Variants in ATRX observed in about 807,000 individuals in gnomAD.
ATRX encodes the protein chromatin remodeler ATRX.
A neutral mutation model predicts 172.6 loss-of-function variants in ATRX; 12 were observed. The ratio of observed to expected loss-of-function variants is 0.07; its 90% CI spans 0.04 to 0.11. The LOEUF (loss-of-function observed/expected upper bound fraction) is 0.11, where lower values mean the gene tolerates loss of function less well. ATRX is among the 10% of genes least tolerant of loss of function. The pLI, the probability that ATRX is intolerant of heterozygous loss-of-function variation, is 1.00. For synonymous variants in ATRX, 674 were observed against 594.7 expected, an observed-to-expected ratio of 1.13 and a Z score of -1.94; for missense variants, 1,368 against 1,767.4, an observed-to-expected ratio of 0.77 and a Z score of 4.05.
rs2068262831 is a variant in ATRX, at chrX:77,634,651, T to G, written c.4752A>C (p.Lys1584Asn). 1 of 1,209,353 alleles carries G rather than the reference T, an allele frequency of 8.3e-7. No individual in the cohort carries two copies. The highest frequency in any genetic ancestry group is 1.1e-6 in the Non-Finnish European group (1 of 894,979). The change falls in exon 17 of 35, where the codon AAA becomes AAC. Residue 1584 changes from lysine (K) to asparagine (N), a missense_variant. Lys to Asn is a moderately conservative substitution (Grantham distance 94, BLOSUM62 0). This residue lies in a region of ATRX where 27 missense variants were observed against 110.8 expected (regional missense o/e 0.24). Coordinates refer to ENST00000373344, the MANE Select transcript of ATRX (RefSeq NM_000489.6). ...CCCESVKKTKKSPGSGCILAH... is the reference protein window; with the variant it reads ...CCCESVKKTKNSPGSGCILAH... The stretch of plus-strand genomic sequence containing the variant: ...CAAGAATGCATCCTGAACCTGGAGA[T>G]TTCTTTGTTTTTTTCACAGACTCAC...
intron 2 of ATRX, among the ~76,000 whole-genome samples, chrX:77,716,686 T>G (rs952781082): frequency 1.8e-5 from 2 of 110,910 alleles, no homozygotes; most frequent in Admixed American, 1.9e-4. Flanking sequence ...GAAGTTGCAG[T>G]GAGCCAAGAT....
chrX:77,534,740 C>T (rs1198968249), intron 30 of ATRX, among the ~76,000 whole-genome samples: 2 of 111,374 alleles, frequency 1.8e-5, no homozygotes, highest in Admixed American at 9.6e-5. Context: ...ACGACTAGTT[C>T]AATTAATAAA....
At chrX:77,681,276 T>G (rs2071173403) in intron 9 of ATRX, among the ~76,000 whole-genome samples, 2 of 111,751 alleles carry the variant, frequency 1.8e-5, no homozygotes, top group African/African-American at 6.5e-5. Flanking sequence ...GATAAAGAAA[T>G]TTTGTCATTT....
intron 1 of ATRX, among the ~76,000 whole-genome samples, chrX:77,734,218 T>TACAA: frequency 1.0e-5 from 1 of 96,499 alleles, no homozygotes; most frequent in East Asian, 3.2e-4. Context: ...AATACATACA[T>TACAA]ACATACATAC....
intron 27 of ATRX, among the ~76,000 whole-genome samples, chrX:77,585,132 A>G (rs1342330020): frequency 1.8e-5 from 2 of 111,477 alleles, no homozygotes; most frequent in African/African-American, 3.3e-5. Context: ...CTTGGCTTTT[A>G]TCCAAAGTCA....
intron 2 of ATRX, among the ~76,000 whole-genome samples, chrX:77,702,738 T>C (rs1248257598): frequency 3.6e-5 from 4 of 111,612 alleles, no homozygotes; most frequent in Non-Finnish European, 5.6e-5. Context: ...ACATTTTTTT[T>C]TTACTAGGGA....
At chrX:77,772,717 G>A (rs1206642702) in intron 1 of ATRX, among the ~76,000 whole-genome samples, 1 of 108,850 alleles carries the variant, frequency 9.2e-6, no homozygotes, top group Non-Finnish European at 1.9e-5. Flanking sequence ...TCTTGACCTC[G>A]TGATCCATCC....
At chrX:77,566,338 GTAGTGACACA>G (rs1569524134) in intron 28 of ATRX, among the ~76,000 whole-genome samples, 1 of 111,990 alleles carries the variant, frequency 8.9e-6, no homozygotes, top group African/African-American at 3.2e-5. Flanking sequence ...AGACGAGAAG[GTAGTGACACA>G]TATTTTTCAA....
Position 77,698,563 on chromosome X carries a change from A to G in ATRX, c.189+11T>C, listed in dbSNP as rs905685078. 1.7e-6 allele frequency: 2 copies of G among 1,196,803 alleles called. No homozygotes were observed. Among genetic ancestry groups the G allele is most frequent in the African/African-American group, 1.8e-5 (1 of 57,007 alleles). ...CGTAACTAACAAATATCTCTAAATAATTATCCTTACCTCTTCCTTGCTGTT... is the reference window on the plus strand; with the variant it reads ...CGTAACTAACAAATATCTCTAAATAGTTATCCTTACCTCTTCCTTGCTGTT... On this transcript the variant is annotated intron_variant, in intron 3 of 34. Transcript: ENST00000373344.
intron 25 of ATRX, chrX:77,594,979 T>C (rs1402241249): frequency 8.9e-6 from 1 of 111,959 alleles, no homozygotes; most frequent in African/African-American, 3.2e-5. Flanking sequence ...CATAGACATC[T>C]AGATTGTTTC....
At chrX:77,606,618 C>T (rs1033729139) in intron 22 of ATRX, among the ~76,000 whole-genome samples, 3 of 110,748 alleles carry the variant, frequency 2.7e-5, no homozygotes, top group East Asian at 5.7e-4. Context: ...AGGGATGCAA[C>T]GATGGCTCAG....
At position 77,778,646 on chromosome X, in the gene ATRX, G is replaced by A. The variant is rs187007248; in HGVS notation, c.20+7336C>T. On this transcript the variant is annotated intron_variant, in intron 1 of 34. Coordinates refer to ENST00000373344, the MANE Select transcript of ATRX (RefSeq NM_000489.6). Reference sequence around the variant, plus strand: ...TGAGGCAGGAGAATCGCTTGAACCCGGGAAGCGGAGGTTGCAGTGAGCCAA... The same window carrying A: ...TGAGGCAGGAGAATCGCTTGAACCCAGGAAGCGGAGGTTGCAGTGAGCCAA... Among the ~76,000 whole-genome samples the A allele has an allele frequency of 4.9e-4, 52 of 107,099 alleles. No homozygotes were observed. In the Middle Eastern group the frequency reaches 0.015, roughly 32 times the overall value. The allele number at this position is 107,099 out of a possible 115,157, so 93.0% of individuals were successfully genotyped here.
chrX:77,771,076 T>G (rs1229397229), intron 1 of ATRX, among the ~76,000 whole-genome samples: 1 of 111,773 alleles, frequency 8.9e-6, no homozygotes, highest in African/African-American at 3.3e-5. Context: ...CATTTTAGCA[T>G]AGCATAAAAA....
At position 77,781,245 on chromosome X, in the gene ATRX, A is replaced by G. The variant is rs187199592; in HGVS notation, c.20+4737T>C. Among the ~76,000 whole-genome samples the G allele has an allele frequency of 4.5e-5, 5 of 110,466 alleles. No individual in the cohort carries two copies. In the East Asian group the frequency reaches 1.4e-3, roughly 31 times the overall value. ...ATCACGAGGTCAGGAGATCGAGACC[A>G]TCCTGGCCAACACGGTGAAACCCTG... is the stretch of plus-strand genomic sequence containing the variant. On this transcript the variant is annotated intron_variant, in intron 1 of 34. Transcript: ENST00000373344.
At chrX:77,537,215 A>T (rs929173661) in intron 30 of ATRX, among the ~76,000 whole-genome samples, 1 of 111,745 alleles carries the variant, frequency 8.9e-6, no homozygotes, top group Non-Finnish European at 1.9e-5. Context: ...CTGAACCCTC[A>T]GTCTTCTGGT....
intron 22 of ATRX, among the ~76,000 whole-genome samples, chrX:77,601,081 T>G (rs782354334): frequency 9.0e-6 from 1 of 111,300 alleles, no homozygotes; most frequent in Non-Finnish European, 1.9e-5. Context: ...ATTCTATCCA[T>G]GGACCCTAGA....
At chrX:77,525,490 C>A (rs2063352763) in intron 30 of ATRX, among the ~76,000 whole-genome samples, 1 of 112,251 alleles carries the variant, frequency 8.9e-6, no homozygotes, top group Admixed American at 9.4e-5. Flanking sequence ...GTCAGGTGTT[C>A]TACAACACAC....
chrX:77,741,584 C>A (rs782509225), intron 1 of ATRX, among the ~76,000 whole-genome samples: 1 of 111,197 alleles, frequency 9.0e-6, no homozygotes, highest in African/African-American at 3.3e-5. Context: ...GCCACAGCCT[C>A]TCAAGTAGCT....
chrX:77,517,652 A>T (rs782712425), intron 34 of ATRX, among the ~76,000 whole-genome samples: 2 of 112,197 alleles, frequency 1.8e-5, no homozygotes, highest in South Asian at 7.3e-4. Context: ...GGAGGAGGGA[A>T]TACTTCAAAC....
Sources: allele counts gnomAD v4.1 joint callset (sites outside exome capture counted in the v4.1 genomes callset), GRCh38; gene constraint gnomAD v4.1.1; regional missense constraint gnomAD v4.1.1; transcripts MANE v1.5; gene names NCBI Gene and HGNC (gene_info 2026-07-23, HGNC 2026-07-21).